LIFR: variants seen among roughly 807,000 people sequenced by gnomAD.
LIFR encodes leukemia inhibitory factor receptor.
LIFR carries 84 observed loss-of-function variants against 122.2 expected under a neutral mutation model. That is an observed-to-expected ratio of 0.69 (90% CI 0.58 to 0.82). LIFR has a LOEUF of 0.82. Ranked by LOEUF, LIFR falls within the 40% of genes least tolerant of loss-of-function variation. LIFR has a pLI of 0.00. For synonymous variants in LIFR, 422 were observed against 434.7 expected, an observed-to-expected ratio of 0.97 and a Z score of 0.36; for missense variants, 1,294 against 1,311.6, an observed-to-expected ratio of 0.99 and a Z score of 0.21.
chr5:38,532,585 A>C (rs1561184078), intron 1 of LIFR, among the ~76,000 whole-genome samples: 1 of 151,302 alleles, frequency 6.6e-6, no homozygotes. Context: ...AGAAGGATCA[A>C]CGGCAGTGTC....
At chr5:38,506,392 G>A in intron 8 of LIFR, 111 bp downstream of exon 8, 1 of 1,314,248 alleles carries the variant, frequency 7.6e-7, no homozygotes, top group Non-Finnish European at 1.1e-6. Context: ...AGCATATTTG[G>A]TTTTATATCT....
intron 1 of LIFR, among the ~76,000 whole-genome samples, chr5:38,574,774 T>C (rs1374842201): frequency 1.4e-4 from 21 of 152,204 alleles, no homozygotes; most frequent in Non-Finnish European, 1.5e-5. Context: ...CTTTGCATGC[T>C]GACGGTCACA....
At position 38,506,602 on chromosome 5, in the gene LIFR, C is replaced by G; in HGVS notation, c.1022G>C (p.Cys341Ser). The stretch of plus-strand genomic sequence containing the variant: ...AATTTCTTTTAAATCATGTGTCTCA[C>G]AATTCAGTTGTTGAGGAGTATCTGG... ...YPPDTPQQLNCETHDLKEIIC... is the reference protein window; with the variant it reads ...YPPDTPQQLNSETHDLKEIIC... The change falls in exon 8 of 20, where the codon TGT (cysteine) becomes TCT (serine). Residue 341 changes from cysteine (C) to serine (S), a missense_variant. Cys to Ser is a moderately radical substitution (Grantham distance 112). Transcript: ENST00000453190. 6.2e-7 allele frequency: 1 copy of G among 1,613,374 alleles called. No individual in the cohort carries two copies. The highest frequency in any genetic ancestry group is 8.5e-7 in the Non-Finnish European group (1 of 1,179,410).
upstream of LIFR, among the ~76,000 whole-genome samples, chr5:38,560,569 C>CGTTTT: frequency 6.6e-6 from 1 of 151,408 alleles, no homozygotes; most frequent in African/African-American, 2.4e-5. Context: ...AACAGGATTG[C>CGTTTT]ATTTTGTTTT....
intron 1 of LIFR, among the ~76,000 whole-genome samples, chr5:38,564,735 T>TACACAC (rs3047301): frequency 0.032 from 4,428 of 137,426 alleles, 83 homozygotes; most frequent in Middle Eastern, 0.044. Flanking sequence ...ACACACACAC[T>TACACAC]ACACACACAC....
intron 1 of LIFR, among the ~76,000 whole-genome samples, chr5:38,553,864 C>T (rs889360269): frequency 2.0e-5 from 3 of 151,178 alleles, no homozygotes; most frequent in African/African-American, 4.9e-5. Flanking sequence ...GCTGACGAGA[C>T]CCCAATTTTT....
At chr5:38,485,106 C>A (rs1744212924) in intron 17 of LIFR, among the ~76,000 whole-genome samples, 1 of 152,152 alleles carries the variant, frequency 6.6e-6, no homozygotes, top group Admixed American at 6.5e-5. Context: ...ACATTTTAGG[C>A]CAGACAGATC....
chr5:38,556,734 C>T (rs1395868419), upstream of LIFR: 2 of 145,198 alleles, frequency 1.4e-5, no homozygotes, highest in African/African-American at 4.9e-5. Context: ...GCCCCCGGCC[C>T]CGGCCCCGCC....
chr5:38,527,005 C>T, intron 4 of LIFR, 150 bp downstream of exon 4: 2 of 691,020 alleles, frequency 2.9e-6, no homozygotes, highest in South Asian at 4.2e-5. Flanking sequence ...TCCTTCTGAT[C>T]TTGGCTACCA....
chr5:38,508,757 TC>T (rs11292680), intron 7 of LIFR, among the ~76,000 whole-genome samples: 103,528 of 150,070 alleles, frequency 0.69, 36,878 homozygotes, highest in African/African-American at 0.88. Context: ...TTTTGTATTT[TC>T]TTTTTTTAAT....
chr5:38,529,960 A>G (rs766512037), intron 2 of LIFR, among the ~76,000 whole-genome samples: 2 of 152,232 alleles, frequency 1.3e-5, no homozygotes, highest in Non-Finnish European at 2.9e-5. Context: ...GGGCAGGAGG[A>G]TGATAATTTC....
intron 3 of LIFR, 63 bp from the exon 4 acceptor site, chr5:38,527,357 T>G (rs1746747072): frequency 8.9e-7 from 1 of 1,128,936 alleles, no homozygotes; most frequent in Admixed American, 1.8e-5. Flanking sequence ...TCATAAAAAT[T>G]TGGTTAACAC....
At chr5:38,486,725 G>A (rs1744304702) in intron 16 of LIFR, among the ~76,000 whole-genome samples, 3 of 151,978 alleles carry the variant, frequency 2.0e-5, no homozygotes, top group African/African-American at 2.4e-5. Context: ...CAAACTTAGA[G>A]AGATGTGACT....
chr5:38,491,206 C>A (rs1472579253), intron 14 of LIFR, among the ~76,000 whole-genome samples: 2 of 152,164 alleles, frequency 1.3e-5, no homozygotes, highest in Non-Finnish European at 2.9e-5. Flanking sequence ...AGAGGTACTT[C>A]CAATTGAAGT....
chr5:38,517,942 G>GAA (rs36122781), intron 5 of LIFR, among the ~76,000 whole-genome samples: 2 of 120,642 alleles, frequency 1.7e-5, no homozygotes, highest in African/African-American at 6.3e-5. Context: ...CCATCTCTAT[G>GAA]AAAAAAAAAA....
At chr5:38,523,673 T>G in intron 4 of LIFR, 91 bp from the exon 5 acceptor site, 4 of 1,017,100 alleles carry the variant, frequency 3.9e-6, no homozygotes, top group Non-Finnish European at 6.0e-6. Context: ...TTATAAACTC[T>G]ATTCCTTCTT....
At chr5:38,571,588 C>T (rs1159723151) in intron 1 of LIFR, among the ~76,000 whole-genome samples, 1 of 148,310 alleles carries the variant, frequency 6.7e-6, no homozygotes, top group South Asian at 2.2e-4. Context: ...TTTGCTCCTA[C>T]TGATTGAGCT....
chr5:38,531,877 T>C (rs1366603749), intron 1 of LIFR, among the ~76,000 whole-genome samples: 1 of 152,218 alleles, frequency 6.6e-6, no homozygotes, highest in Admixed American at 6.5e-5. Context: ...AGCTTAATTA[T>C]AACCATAACA....
intron 1 of LIFR, 163 bp from the exon 2 acceptor site, chr5:38,530,829 T>C (rs1746966511): frequency 4.5e-6 from 3 of 663,346 alleles, no homozygotes; most frequent in Non-Finnish European, 8.0e-6. Flanking sequence ...TGTGGAGACA[T>C]CAATAATTGG....
Sources: allele counts gnomAD v4.1 joint callset (sites outside exome capture counted in the v4.1 genomes callset), GRCh38; gene constraint gnomAD v4.1.1; transcripts MANE v1.5; gene names NCBI Gene and HGNC (gene_info 2026-07-23, HGNC 2026-07-21).